NSMCE2: variants seen among roughly 807,000 people sequenced by gnomAD.
NSMCE2 encodes the protein NSE2 SUMO ligase component of SMC5/6 complex.
A neutral mutation model predicts 23.8 loss-of-function variants in NSMCE2; 24 were observed. The ratio of observed to expected loss-of-function variants is 1.01; its 90% CI spans 0.73 to 1.42. The LOEUF (loss-of-function observed/expected upper bound fraction) is 1.42. NSMCE2 is among the 40% of genes most tolerant of loss of function. The pLI, the probability that NSMCE2 is intolerant of heterozygous loss-of-function variation, is 0.00. For synonymous variants in NSMCE2, 92 were observed against 94.1 expected (o/e 0.98, Z 0.13); for missense variants, 284 against 296.5 (o/e 0.96, Z 0.31).
Position 125,183,634 on chromosome 8 carries a change from G to GGTGTGTGTGTGTGTGTGTGT in NSMCE2, c.418+1387_418+1406dup, listed in dbSNP as rs59285361. Among the ~76,000 whole-genome samples, 1,373 of 147,542 alleles carry GGTGTGTGTGTGTGTGTGTGT rather than the reference G, an allele frequency of 9.3e-3. 19 individuals carry two copies. Among genetic ancestry groups the GGTGTGTGTGTGTGTGTGTGT allele is most frequent in the African/African-American group, 0.032 (1,288 of 40,020 alleles). On this transcript the variant is annotated intron_variant, in intron 5 of 7. Transcript: ENST00000287437. ...TTATCCATGATATTTATTACTCAGTGGTGTGTGTGTGTGTGTGTGTGTGTG... is the reference window on the plus strand; with the variant it reads ...TTATCCATGATATTTATTACTCAGTGGTGTGTGTGTGTGTGTGTGTGTGTGTGTGTGTGTGTGTGTGTGTG...
intron 3 of NSMCE2, among the ~76,000 whole-genome samples, chr8:125,117,670 G>A (rs1201420840): frequency 6.6e-6 from 1 of 151,944 alleles, no homozygotes; most frequent in Non-Finnish European, 1.5e-5. Flanking sequence ...CGTGCACCAC[G>A]ATCCCCAGCT....
chr8:125,250,336 A>ATT (rs1826154554), intron 5 of NSMCE2, among the ~76,000 whole-genome samples: 2 of 151,866 alleles, frequency 1.3e-5, no homozygotes, highest in African/African-American at 4.9e-5. Flanking sequence ...TTCTTTTTAA[A>ATT]AAAAAAGCAT....
At chr8:125,183,323 G>A (rs1224895597) in intron 5 of NSMCE2, among the ~76,000 whole-genome samples, 1 of 152,112 alleles carries the variant, frequency 6.6e-6, no homozygotes, top group Non-Finnish European at 1.5e-5. Flanking sequence ...TCACAATTTG[G>A]AATGTTTTGC....
chr8:125,331,497 TG>T (rs1431011965), intron 5 of NSMCE2, among the ~76,000 whole-genome samples: 8 of 151,992 alleles, frequency 5.3e-5, no homozygotes, highest in Admixed American at 2.0e-4. Flanking sequence ...TGCTGGGTAA[TG>T]GGGAAGAGTA....
intron 5 of NSMCE2, among the ~76,000 whole-genome samples, chr8:125,267,238 C>T (rs1028844168): frequency 6.6e-6 from 1 of 152,040 alleles, no homozygotes. Context: ...AAACTCCTGA[C>T]CTCAGTTGAT....
intron 5 of NSMCE2, among the ~76,000 whole-genome samples, chr8:125,346,715 T>C (rs775946001): frequency 6.6e-6 from 1 of 152,190 alleles, no homozygotes; most frequent in Non-Finnish European, 1.5e-5. Flanking sequence ...CCAGTATTTA[T>C]TGGTTTGAAG....
chr8:125,284,942 A>C lies in NSMCE2; in HGVS notation c.419-72277A>C, dbSNP rs950352892. ...ACACCTGTGTAATTTATTTTTAAAA[A>C]TCTTACGAAAATCTACATTTTAGTG... On this transcript the variant is annotated intron_variant, in intron 5 of 7. Transcript: ENST00000287437. Among the ~76,000 whole-genome samples the C allele has an allele frequency of 3.9e-5, 6 of 152,232 alleles. No homozygotes were observed. The South Asian group carries it at 8.3e-4, about 21-fold the overall frequency.
intron 5 of NSMCE2, among the ~76,000 whole-genome samples, chr8:125,229,111 A>C (rs1228326517): frequency 6.6e-6 from 1 of 152,216 alleles, no homozygotes; most frequent in Non-Finnish European, 1.5e-5. Flanking sequence ...AGAATGAAGG[A>C]TGATGAGTCA....
chr8:125,145,479 G>A (rs926747110), intron 3 of NSMCE2, among the ~76,000 whole-genome samples: 3 of 152,206 alleles, frequency 2.0e-5, no homozygotes, highest in Admixed American at 6.5e-5. Context: ...AGTCACCAAG[G>A]CCCCACTGTG....
intron 4 of NSMCE2, among the ~76,000 whole-genome samples, chr8:125,164,501 A>G (rs1821774829): frequency 6.6e-6 from 1 of 152,162 alleles, no homozygotes; most frequent in African/African-American, 2.4e-5. Flanking sequence ...TCCAAAGGTA[A>G]AGTTTTGGGA....
intron 3 of NSMCE2, among the ~76,000 whole-genome samples, chr8:125,132,941 C>T (rs1265767362): frequency 6.6e-6 from 1 of 152,154 alleles, no homozygotes; most frequent in African/African-American, 2.4e-5. Flanking sequence ...CAGGTCATCT[C>T]ATCTAACTCT....
intron 5 of NSMCE2, among the ~76,000 whole-genome samples, chr8:125,311,295 C>T (rs1367507740): frequency 6.6e-6 from 1 of 152,202 alleles, no homozygotes; most frequent in Non-Finnish European, 1.5e-5. Context: ...CCCTTTCACT[C>T]AGTTCTCTGC....
chr8:125,126,580 C>T (rs757195302), intron 3 of NSMCE2, among the ~76,000 whole-genome samples: 4 of 152,142 alleles, frequency 2.6e-5, no homozygotes, highest in South Asian at 4.1e-4. Flanking sequence ...ACTTGATGCA[C>T]GAAAGTCCTA....
chr8:125,214,617 A>C (rs1358727648), intron 5 of NSMCE2, among the ~76,000 whole-genome samples: 3 of 152,194 alleles, frequency 2.0e-5, no homozygotes, highest in Non-Finnish European at 4.4e-5. Context: ...TGGAACAGAT[A>C]GTGCAGAGAG....
intron 5 of NSMCE2, among the ~76,000 whole-genome samples, chr8:125,260,838 G>T (rs1826660953): frequency 6.6e-6 from 1 of 151,860 alleles, no homozygotes; most frequent in Non-Finnish European, 1.5e-5. Flanking sequence ...TGGCCAGGCT[G>T]ATCTTTAACT....
intron 5 of NSMCE2, among the ~76,000 whole-genome samples, chr8:125,334,091 C>T (rs1829986465): frequency 6.6e-6 from 1 of 152,180 alleles, no homozygotes. Context: ...GATAATAACT[C>T]CTGACCTTAA....
intron 5 of NSMCE2, among the ~76,000 whole-genome samples, chr8:125,280,208 G>T (rs1466036029): frequency 6.6e-6 from 1 of 152,164 alleles, no homozygotes; most frequent in African/African-American, 2.4e-5. Context: ...CTAGTTAGAA[G>T]AGTTACAACT....
At chr8:125,319,939 G>A (rs1181757792) in intron 5 of NSMCE2, among the ~76,000 whole-genome samples, 1 of 152,052 alleles carries the variant, frequency 6.6e-6, no homozygotes, top group African/African-American at 2.4e-5. Flanking sequence ...ACTTTGGGAG[G>A]CCAAGGCTGG....
At chr8:125,196,787 A>G (rs972726477) in intron 5 of NSMCE2, among the ~76,000 whole-genome samples, 1 of 152,214 alleles carries the variant, frequency 6.6e-6, no homozygotes, top group Non-Finnish European at 1.5e-5. Context: ...ACTGTCTTCC[A>G]CAGTGGTTGA....
Sources: gnomAD v4.1 joint callset for allele counts (sites outside exome capture counted in the v4.1 genomes callset) on GRCh38, gnomAD v4.1.1 for gene constraint, MANE v1.5 for transcripts, NCBI Gene and HGNC (gene_info 2026-07-23, HGNC 2026-07-21) for gene names.